The following FARS2 variants were observed in gnomAD, a reference collection of about 807,000 sequenced individuals.
The protein encoded by FARS2 is phenylalanyl-tRNA synthetase 2, mitochondrial.
In FARS2, 40 loss-of-function variants were observed where a neutral mutation model predicts 46.4. The observed-to-expected ratio is 0.86, with a 90% confidence interval of 0.67 to 1.12. FARS2 has a LOEUF of 1.12. Among genes scored for constraint, FARS2 ranks in the 50% most tolerant of loss-of-function variants. The pLI is 0.00. For missense variants in FARS2, 513 were observed against 567.9 expected, an observed-to-expected ratio of 0.90 and a Z score of 0.98; for synonymous variants, 234 against 214.9, an observed-to-expected ratio of 1.09 and a Z score of -0.78.
chr6:5,252,041 T>C, the FARS2 span, among the ~76,000 whole-genome samples: 1 of 152,216 alleles, frequency 6.6e-6, no homozygotes, highest in African/African-American at 2.4e-5. Context: ...TTCATTCAGT[T>C]GTGTAGTACA....
chr6:5,611,749 C>T (rs1369031014), intron 5 of FARS2, among the ~76,000 whole-genome samples: 1 of 152,108 alleles, frequency 6.6e-6, no homozygotes, highest in Non-Finnish European at 1.5e-5. Context: ...TGGCTGCCTG[C>T]GTTATTATCA....
chr6:5,692,149 A>G (rs777389964), intron 6 of FARS2, among the ~76,000 whole-genome samples: 2 of 152,068 alleles, frequency 1.3e-5, no homozygotes, highest in Non-Finnish European at 2.9e-5. Flanking sequence ...GTGAGGCGAT[A>G]CCTTCCGCTG....
At chr6:5,714,718 A>G (rs1429394982) in intron 6 of FARS2, among the ~76,000 whole-genome samples, 1 of 152,064 alleles carries the variant, frequency 6.6e-6, no homozygotes, top group Non-Finnish European at 1.5e-5. Flanking sequence ...AAGCAAGCAG[A>G]TGAGAGTAAT....
intron 3 of FARS2, among the ~76,000 whole-genome samples, chr6:5,407,714 A>G (rs1761695798): frequency 6.6e-6 from 1 of 152,176 alleles, no homozygotes; most frequent in African/African-American, 2.4e-5. Context: ...GGTTTGATAT[A>G]TTTCATTAAA....
At chr6:5,250,493 T>A in the FARS2 span, among the ~76,000 whole-genome samples, 1 of 152,188 alleles carries the variant, frequency 6.6e-6, no homozygotes, top group Non-Finnish European at 1.5e-5. Flanking sequence ...ACCATTATCA[T>A]TAAACCTGGC....
intron 6 of FARS2, among the ~76,000 whole-genome samples, chr6:5,623,137 A>G (rs1775857877): frequency 6.6e-6 from 1 of 152,222 alleles, no homozygotes; most frequent in Non-Finnish European, 1.5e-5. Flanking sequence ...TAGCTAGGAA[A>G]ACTAGATGAC....
At chr6:5,728,593 G>A (rs200487434) in intron 6 of FARS2, among the ~76,000 whole-genome samples, 5 of 152,146 alleles carry the variant, frequency 3.3e-5, no homozygotes, top group East Asian at 1.9e-4. Flanking sequence ...CACATTGTGC[G>A]CCGTGGATAG....
intron 6 of FARS2, among the ~76,000 whole-genome samples, chr6:5,705,266 G>A (rs1331165957): frequency 6.6e-6 from 1 of 152,206 alleles, no homozygotes; most frequent in South Asian, 2.1e-4. Context: ...GTCCCAGGTA[G>A]CGAAATATTA....
chr6:5,363,932 G>A (rs906047077), intron 1 of FARS2, among the ~76,000 whole-genome samples: 1 of 152,158 alleles, frequency 6.6e-6, no homozygotes, highest in Non-Finnish European at 1.5e-5. Context: ...CAGGATTAAT[G>A]TCTTACCTCA....
At chr6:5,659,147 G>A (rs1409658804) in intron 6 of FARS2, among the ~76,000 whole-genome samples, 1 of 152,162 alleles carries the variant, frequency 6.6e-6, no homozygotes, top group Non-Finnish European at 1.5e-5. Context: ...TTAAGCCCTG[G>A]CTGTCCCCAT....
At chr6:5,534,021 T>C (rs1247443944) in intron 4 of FARS2, among the ~76,000 whole-genome samples, 1 of 152,228 alleles carries the variant, frequency 6.6e-6, no homozygotes, top group African/African-American at 2.4e-5. Context: ...AATCATACAC[T>C]GTTCAGAGCT....
At chr6:5,601,041 G>C (rs1429472120) in intron 5 of FARS2, among the ~76,000 whole-genome samples, 1 of 152,150 alleles carries the variant, frequency 6.6e-6, no homozygotes, top group Non-Finnish European at 1.5e-5. Context: ...CTCTCCCCCT[G>C]CCATGTGAAG....
At chr6:5,371,735 G>A (rs1369010550) in intron 2 of FARS2, among the ~76,000 whole-genome samples, 1 of 152,004 alleles carries the variant, frequency 6.6e-6, no homozygotes. Flanking sequence ...AACAGTTGGA[G>A]TAGAAAAGGA....
At chr6:5,566,586 G>A (rs1158268506) in intron 5 of FARS2, among the ~76,000 whole-genome samples, 1 of 152,138 alleles carries the variant, frequency 6.6e-6, no homozygotes, top group Non-Finnish European at 1.5e-5. Flanking sequence ...TGCATTAAGA[G>A]TGGTAAGACA....
In FARS2 at chr6:5,476,247, T is replaced by C. The variant is rs566521325; in HGVS notation, c.904+45075T>C. ...CATGCCCACACCTAGACTTCTTGTTTTGTGAGATGTTATCTCCTTCTCAAG... is the reference window on the plus strand; with the variant it reads ...CATGCCCACACCTAGACTTCTTGTTCTGTGAGATGTTATCTCCTTCTCAAG... On this transcript the variant is annotated intron_variant, in intron 4 of 6. Coordinates refer to ENST00000274680, the MANE Select transcript of FARS2 (RefSeq NM_006567.5). Among the ~76,000 whole-genome samples, 8 of 152,344 alleles carry C rather than the reference T, an allele frequency of 5.3e-5. No individual in the cohort carries two copies. The South Asian group carries it at 1.7e-3, about 32-fold the overall frequency.
At chr6:5,422,236 C>A (rs1762591043) in intron 3 of FARS2, among the ~76,000 whole-genome samples, 1 of 152,148 alleles carries the variant, frequency 6.6e-6, no homozygotes, top group South Asian at 2.1e-4. Context: ...AACCTGCCCC[C>A]ATGATTCAGT....
chr6:5,371,068 C>A (rs1440375314), intron 2 of FARS2: 1 of 372,108 alleles, frequency 2.7e-6, no homozygotes, highest in Non-Finnish European at 3.7e-6. Context: ...GAACTCAGCT[C>A]TTCTGAATTC....
At chr6:5,654,919 AGTTAATAGTAAATGTGTAT>A (rs1170081863) in intron 6 of FARS2, among the ~76,000 whole-genome samples, 3 of 152,206 alleles carry the variant, frequency 2.0e-5, no homozygotes, top group African/African-American at 7.2e-5. Flanking sequence ...ATTTCCACTT[AGTTAATAGTAAATGTGTAT>A]TTTCTTATTT....
At chr6:5,520,744 A>C (rs1217619077) in intron 4 of FARS2, among the ~76,000 whole-genome samples, 1 of 152,218 alleles carries the variant, frequency 6.6e-6, no homozygotes, top group Non-Finnish European at 1.5e-5. Context: ...TCCTGAGAAA[A>C]ATAACACATG....
Sources: allele counts gnomAD v4.1 joint callset (sites outside exome capture counted in the v4.1 genomes callset), GRCh38; gene constraint gnomAD v4.1.1; transcripts MANE v1.5; gene names NCBI Gene and HGNC (gene_info 2026-07-23, HGNC 2026-07-21).